Variants in UNC5C observed in about 807,000 individuals in gnomAD.
UNC5C encodes the protein netrin receptor UNC5C.
A neutral mutation model predicts 99.8 loss-of-function variants in UNC5C; 47 were observed. That is an observed-to-expected ratio of 0.47 (90% confidence interval 0.37 to 0.60). The LOEUF is 0.60. Among genes scored for constraint, UNC5C ranks in the 20% least tolerant of loss-of-function variants. The pLI is 0.00. For missense variants in UNC5C, 1,062 were observed against 1,165.9 expected, an observed-to-expected ratio of 0.91 and a Z score of 1.30; for synonymous variants, 487 against 452.2, an observed-to-expected ratio of 1.08 and a Z score of -0.98.
intron 4 of UNC5C, among the ~76,000 whole-genome samples, chr4:95,269,071 T>C (rs1344822031): frequency 6.6e-6 from 1 of 152,240 alleles, no homozygotes; most frequent in African/African-American, 2.4e-5. Context: ...CGTTTTTGTG[T>C]ATTTGTTTGT....
At chr4:95,533,268 G>A (rs966030563) in intron 1 of UNC5C, among the ~76,000 whole-genome samples, 1 of 151,844 alleles carries the variant, frequency 6.6e-6, no homozygotes, top group African/African-American at 2.4e-5. Flanking sequence ...GCATGGTGGC[G>A]GGCGTCTGTA....
chr4:95,399,523 C>T (rs1745625361), intron 1 of UNC5C, among the ~76,000 whole-genome samples: 1 of 152,144 alleles, frequency 6.6e-6, no homozygotes, highest in Admixed American at 6.5e-5. Context: ...TGGCCTGAAT[C>T]CCCTTCCTAT....
intron 1 of UNC5C, among the ~76,000 whole-genome samples, chr4:95,338,160 C>A (rs1307258923): frequency 6.6e-6 from 1 of 152,008 alleles, no homozygotes; most frequent in African/African-American, 2.4e-5. Context: ...TCTCCACATA[C>A]AAAAATGAGC....
intron 10 of UNC5C, among the ~76,000 whole-genome samples, chr4:95,212,929 T>G (rs1023966378): frequency 6.6e-6 from 1 of 152,204 alleles, no homozygotes; most frequent in African/African-American, 2.4e-5. Flanking sequence ...CGGTTCCTCC[T>G]CCTCCTCTCT....
intron 1 of UNC5C, among the ~76,000 whole-genome samples, chr4:95,467,857 T>G (rs1490586743): frequency 6.6e-6 from 1 of 152,144 alleles, no homozygotes; most frequent in Admixed American, 6.6e-5. Context: ...TACTGTATTT[T>G]TACAATAAGG....
intron 1 of UNC5C, among the ~76,000 whole-genome samples, chr4:95,404,739 T>C (rs1048958089): frequency 1.3e-5 from 2 of 152,188 alleles, no homozygotes; most frequent in African/African-American, 4.8e-5. Flanking sequence ...TCTGGTTTTG[T>C]ACCCAAAAAG....
At chr4:95,421,320 C>T (rs1039039982) in intron 1 of UNC5C, among the ~76,000 whole-genome samples, 2 of 152,126 alleles carry the variant, frequency 1.3e-5, no homozygotes, top group African/African-American at 4.8e-5. Flanking sequence ...TAAGAGAGAA[C>T]AGGGGAGACC....
intron 15 of UNC5C, 62 bp downstream of exon 15, chr4:95,170,092 A>G (rs1477729349): frequency 1.3e-6 from 2 of 1,558,120 alleles, no homozygotes; most frequent in East Asian, 4.5e-5. Flanking sequence ...TACGTCTAAT[A>G]GTTATCGGTC....
At chr4:95,214,051 C>T (rs1360383324) in intron 10 of UNC5C, among the ~76,000 whole-genome samples, 1 of 152,144 alleles carries the variant, frequency 6.6e-6, no homozygotes, top group African/African-American at 2.4e-5. Context: ...TAAAGTGGAG[C>T]TCATCACAGC....
At chr4:95,199,088 A>G (rs1298534870) in intron 12 of UNC5C, among the ~76,000 whole-genome samples, 2 of 152,084 alleles carry the variant, frequency 1.3e-5, no homozygotes, top group East Asian at 1.9e-4. Flanking sequence ...TTGGAAGAGC[A>G]TGAGCGTGAG....
rs551348707 is a variant in UNC5C at position 95,190,329 on chromosome 4, G to A, written c.2137-5133C>T. Among the ~76,000 whole-genome samples the A allele has an allele frequency of 3.3e-3, 501 of 149,940 alleles. 3 individuals carry two copies. Among genetic ancestry groups the A allele is most frequent in the Non-Finnish European group, 6.0e-3 (403 of 67,506 alleles). On this transcript the variant is annotated intron_variant, in intron 12 of 15. Coordinates refer to ENST00000453304, the MANE Select transcript of UNC5C (RefSeq NM_003728.4). ...CACAGGAAGGGGAACATCACACACC[G>A]GGGACTGTTGTGGGGTGGGGGGAGG...
rs771930389 is a variant in UNC5C at position 95,165,757 on chromosome 4, G to A, written c.*3477C>T. On this transcript the variant is annotated 3_prime_UTR_variant, in exon 16 of 16. Coordinates refer to ENST00000453304, the MANE Select transcript of UNC5C (RefSeq NM_003728.4). Reference sequence around the variant, plus strand: ...AGCAGATACTTCTTACATTTCCAAAGATAAATATTAAGGAACTAAAAGGAG... The same window carrying A: ...AGCAGATACTTCTTACATTTCCAAAAATAAATATTAAGGAACTAAAAGGAG... The A allele has an allele frequency of 6.6e-6, 1 of 152,042 alleles. No homozygotes were observed. Among genetic ancestry groups the A allele is most frequent in the Non-Finnish European group, 1.5e-5 (1 of 68,018 alleles). The allele number at this position is 152,042 out of a possible 1,614,324, so 9.4% of individuals were successfully genotyped here. A position where few individuals can be genotyped will look rare whatever the true frequency, so the allele number is the denominator to read the frequency against.
intron 1 of UNC5C, among the ~76,000 whole-genome samples, chr4:95,336,799 T>C: frequency 6.6e-6 from 1 of 151,970 alleles, no homozygotes; most frequent in East Asian, 1.9e-4. Context: ...GAAATGTAAA[T>C]GTTGTTTCCT....
At chr4:95,380,190 T>A (rs1387845798) in intron 1 of UNC5C, among the ~76,000 whole-genome samples, 2 of 152,168 alleles carry the variant, frequency 1.3e-5, no homozygotes, top group African/African-American at 4.8e-5. Context: ...TTACTTTTGT[T>A]TTAGCTATAT....
At chr4:95,403,554 C>G (rs1314875716) in intron 1 of UNC5C, among the ~76,000 whole-genome samples, 1 of 152,050 alleles carries the variant, frequency 6.6e-6, no homozygotes, top group Admixed American at 6.5e-5. Flanking sequence ...ACTTTGGGAG[C>G]CATTGTAAAT....
At chr4:95,480,624 T>A (rs1451775855) in intron 1 of UNC5C, among the ~76,000 whole-genome samples, 1 of 151,520 alleles carries the variant, frequency 6.6e-6, no homozygotes, top group Admixed American at 6.6e-5. Flanking sequence ...TAGCCCTTGA[T>A]AAGAATCCAG....
Position 95,262,463 on chromosome 4 carries a change from T to C in UNC5C, c.595-11796A>G, listed in dbSNP as rs544900091. On this transcript the variant is annotated intron_variant, in intron 4 of 15. Transcript: ENST00000453304. ...TAGAAATGTAATTGATTTCATCCTG[T>C]TTCATTTCAGCAGTAGCATTCAAAC... Among the ~76,000 whole-genome samples the C allele has an allele frequency of 9.8e-5, 15 of 152,308 alleles. No individual in the cohort carries two copies. The South Asian group carries it at 3.1e-3, about 32-fold the overall frequency.
At chr4:95,198,766 G>A (rs934969159) in intron 12 of UNC5C, among the ~76,000 whole-genome samples, 1 of 152,148 alleles carries the variant, frequency 6.6e-6, no homozygotes, top group Non-Finnish European at 1.5e-5. Flanking sequence ...TTCGCTGGAG[G>A]CATTGTGAGG....
At chr4:95,429,236 T>G (rs1349998281) in intron 1 of UNC5C, among the ~76,000 whole-genome samples, 1 of 150,606 alleles carries the variant, frequency 6.6e-6, no homozygotes, top group Non-Finnish European at 1.5e-5. Context: ...TTTTACTTGC[T>G]GGAGCATTTC....
Sources: gnomAD v4.1 joint callset for allele counts (sites outside exome capture counted in the v4.1 genomes callset) on GRCh38, gnomAD v4.1.1 for gene constraint, MANE v1.5 for transcripts, NCBI Gene and HGNC (gene_info 2026-07-23, HGNC 2026-07-21) for gene names.